Variants in PEAR1 observed in about 807,000 individuals in gnomAD.
PEAR1 encodes the protein multiple EGF-like domains protein 12.
A neutral mutation model predicts 131.2 loss-of-function variants in PEAR1; 113 were observed. The observed-to-expected ratio is 0.86, with a 90% CI of 0.74 to 1.01. The LOEUF is 1.01. Ranked by LOEUF, PEAR1 falls within the 50% of genes least tolerant of loss-of-function variation. The pLI is 0.00. For missense variants in PEAR1, 1,408 were observed against 1,391.1 expected (o/e 1.01, Z -0.19); for synonymous variants, 565 against 523.3 (o/e 1.08, Z -1.09).
In PEAR1 at chr1:156,902,224, T is replaced by TCCCTGGCC. The variant is rs1197242717; in HGVS notation, c.-9-1690_-9-1683dup. 2 of 152,392 alleles carry TCCCTGGCC rather than the reference T, an allele frequency of 1.3e-5. No individual in the cohort carries two copies. The highest frequency in any genetic ancestry group is 2.9e-5 in the Non-Finnish European group (2 of 68,190). 9.4% of individuals were successfully genotyped at this position (152,392 alleles called of 1,614,324 possible). On this transcript the variant is annotated intron_variant, in intron 1 of 22. Transcript: ENST00000292357. This position sits in a 1 kb window ranked among gnomAD's most constrained non-coding sequence, Gnocchi z 4.3. ...TGAACGCTGGGATCCCCCAGGACAT[T>TCCCTGGCC]CCCTGGCCCCCAGGCCCCAGGTCCC...
chr1:156,904,819 C>T lies in PEAR1; in HGVS notation c.173C>T (p.Pro58Leu), dbSNP rs1650053369. 1 of 1,613,798 alleles carries T rather than the reference C, an allele frequency of 6.2e-7. No individual in the cohort carries two copies. The highest frequency in any genetic ancestry group is 1.3e-5 in the African/African-American group (1 of 74,918). ...SLLPSEPCER[P>L]WEGPHTCPQP... is the part of the protein sequence containing the mutation. ...CTCCCCTCAGAGCCCTGCGAGCGGC[C>T]CTGGGAGGGCCCCCATACTTGCCCC... is the stretch of plus-strand genomic sequence containing the variant. The change falls in exon 3 of 23, where the codon CCC becomes CTC. Residue 58 changes from proline to leucine, a missense_variant. Transcript: ENST00000292357.
At position 156,908,406 on chromosome 1, in the gene PEAR1, A is replaced by G; in HGVS notation, c.1115+66A>G. The G allele has an allele frequency of 7.0e-7, 1 of 1,438,616 alleles. No homozygotes were observed. The highest frequency in any genetic ancestry group is 1.4e-5 in the South Asian group (1 of 70,290). 89.1% of individuals were successfully genotyped at this position (1,438,616 alleles called of 1,614,324 possible). ...TGGGGAGGTCTTCCTGGCCGAAGTC[A>G]CCACAGAGCCAGGGCCATATCCAAG... On this transcript the variant is annotated intron_variant, in intron 9 of 22. Transcript: ENST00000292357. This position sits in a 1 kb window ranked among gnomAD's most constrained non-coding sequence, Gnocchi z 4.2.
intron 15 of PEAR1, among the ~76,000 whole-genome samples, chr1:156,911,088 T>TC (rs1651066801): frequency 6.0e-5 from 8 of 133,270 alleles, no homozygotes; most frequent in African/African-American, 2.2e-4. Flanking sequence ...TTTCTTTCTT[T>TC]CTTTCCTTTC....
chr1:156,911,090 TTTC>T (rs1651069046), intron 15 of PEAR1, among the ~76,000 whole-genome samples: 2 of 116,960 alleles, frequency 1.7e-5, no homozygotes, highest in Admixed American at 1.7e-4. Flanking sequence ...TCTTTCTTTC[TTTC>T]CTTTCTTTCT....
At chr1:156,906,907 A>G in intron 6 of PEAR1, 27 bp downstream of exon 6, 1 of 1,606,578 alleles carries the variant, frequency 6.2e-7, no homozygotes, top group Non-Finnish European at 8.5e-7. Flanking sequence ...ACGACACTTT[A>G]ACAAGATCGC....
At position 156,905,346 on chromosome 1, in the gene PEAR1, C is replaced by A. The variant is rs1199224129; in HGVS notation, c.229C>A (p.Arg77Ser). 6.2e-7 allele frequency: 1 copy of A among 1,612,172 alleles called. No homozygotes were observed. Among genetic ancestry groups the A allele is most frequent in the Non-Finnish European group, 8.5e-7 (1 of 1,179,554 alleles). The change falls in exon 4 of 23, where the codon CGT (arginine) becomes AGT (serine). Residue 77 changes from arginine (R) to serine (S), a missense_variant. Physicochemically the swap from Arg to Ser is moderately radical, Grantham distance 110. Transcript: ENST00000292357. ...CAGGGTTGTATACCGGACCGTGTAC[C>A]GTCAGGTGGTGAAGACGGACCACCG... ...QPTVVYRTVY[R>S]QVVKTDHRQR...
chr1:156,896,941 T>C (rs1258499482), intron 1 of PEAR1, among the ~76,000 whole-genome samples: 1 of 152,184 alleles, frequency 6.6e-6, no homozygotes, highest in African/African-American at 2.4e-5. Context: ...CATCATCTCA[T>C]CAAACACGCA....
intron 15 of PEAR1, among the ~76,000 whole-genome samples, chr1:156,911,103 TTTCTTTTCTTTC>T (rs1166672416): frequency 2.4e-5 from 3 of 126,060 alleles, no homozygotes; most frequent in African/African-American, 1.1e-4. Context: ...CCTTTCTTTC[TTTCTTTTCTTTC>T]TTCTTTCTTT....
intron 15 of PEAR1, 127 bp from the exon 16 acceptor site, chr1:156,912,120 T>C (rs535736001): frequency 2.5e-6 from 3 of 1,187,102 alleles, no homozygotes; most frequent in South Asian, 3.4e-5. Flanking sequence ...TTGCAGATAC[T>C]GTTCAAAGCT....
Position 156,907,942 on chromosome 1 carries a change from G to T in PEAR1, c.793G>T (p.Glu265Ter), listed in dbSNP as rs1307858445. Residue 265 changes from glutamate to a stop codon, truncating the protein, a stop_gained, in exon 8 of 23, where the codon GAG becomes TAG. Transcript: ENST00000292357. LOFTEE classifies it high-confidence loss of function. ...MGTICSLPCP[E>*]GFHGPNCSQE... The stretch of plus-strand genomic sequence containing the variant: ...CACCATCTGCTCCCTGCCCTGCCCA[G>T]AGGGCTTTCACGGACCCAACTGCTC... 1.9e-6 allele frequency: 3 copies of T among 1,589,802 alleles called. No individual in the cohort carries two copies. The highest frequency in any genetic ancestry group is 2.3e-5 in the South Asian group (2 of 88,494).
chr1:156,905,213 G>T (rs1379973927), intron 3 of PEAR1, 111 bp from the exon 4 acceptor site: 2 of 1,201,310 alleles, frequency 1.7e-6, no homozygotes, highest in African/African-American at 1.5e-5. Context: ...CTTTCTATGC[G>T]CCCTCAGCCC....
Position 156,906,138 on chromosome 1 carries a change from C to G in PEAR1, c.308-138C>G, listed in dbSNP as rs142197821. On this transcript the variant is annotated intron_variant, in intron 4 of 22. Coordinates refer to ENST00000292357, the MANE Select transcript of PEAR1 (RefSeq NM_001080471.3). Reference sequence around the variant, plus strand: ...TCCCCCTGAGTTGCTGCCCCTCAGTCTTTATCTTAGAGGCAGAATTGGGGC... The same window carrying G: ...TCCCCCTGAGTTGCTGCCCCTCAGTGTTTATCTTAGAGGCAGAATTGGGGC... 1.8e-4 allele frequency: 129 copies of G among 703,636 alleles called. No individual in the cohort carries two copies. In the East Asian group the frequency reaches 3.5e-3, roughly 19 times the overall value. The allele number at this position is 703,636 out of a possible 1,614,324, so 43.6% of individuals were successfully genotyped here.
intron 11 of PEAR1, 24 bp from the exon 12 acceptor site, chr1:156,909,727 C>A: frequency 6.3e-7 from 1 of 1,576,948 alleles, no homozygotes; most frequent in Non-Finnish European, 8.6e-7. Context: ...GTCCCCATAC[C>A]TACCTACCAG....
At position 156,907,990 on chromosome 1, in the gene PEAR1, G is replaced by T. The variant is rs145275734; in HGVS notation, c.841G>T (p.Gly281Cys). The change falls in exon 8 of 23, where the codon GGC becomes TGC. Residue 281 changes from glycine (G) to cysteine (C), a missense_variant. Coordinates refer to ENST00000292357, the MANE Select transcript of PEAR1 (RefSeq NM_001080471.3). Reference sequence around the variant, plus strand: ...CTCCCAGGAATGTCGCTGCCACAACGGCGGCCTCTGTGACCGATTCACTGG... The same window carrying T: ...CTCCCAGGAATGTCGCTGCCACAACTGCGGCCTCTGTGACCGATTCACTGG... ...NCSQECRCHN[G>C]GLCDRFTGQC... 9.4e-4 allele frequency: 1,483 copies of T among 1,574,882 alleles called. 14 individuals carry two copies. In the African/African-American group the frequency reaches 0.018, roughly 19 times the overall value.
Position 156,908,612 on chromosome 1 carries a change from C to T in PEAR1, c.1116-43C>T. 6.8e-7 allele frequency: 1 copy of T among 1,474,846 alleles called. No individual in the cohort carries two copies. Among genetic ancestry groups the T allele is most frequent in the African/African-American group, 1.4e-5 (1 of 71,798 alleles). 91.4% of individuals were successfully genotyped at this position (1,474,846 alleles called of 1,614,324 possible). A position where few individuals can be genotyped will look rare whatever the true frequency, so the allele number is the denominator to read the frequency against. On this transcript the variant is annotated intron_variant, in intron 9 of 22. Transcript: ENST00000292357. This position sits in a 1 kb window ranked among gnomAD's most constrained non-coding sequence, Gnocchi z 4.2. ...GAGGGGTCGGGAAGCTGCCCTGCCC[C>T]TGCCCAGCTCAGACCGCGCCACGCC...
rs1558147641 is a variant in PEAR1 at position 156,912,803 on chromosome 1, C to G, written c.2243C>G (p.Thr748Ser). 6.2e-6 allele frequency: 10 copies of G among 1,614,254 alleles called. No individual in the cohort carries two copies. The Middle Eastern group carries it at 8.2e-4, about 133-fold the overall frequency. ...IQEPFTVMPT[T>S]PVAYNSLGAV... ...GAGCCCTTTACTGTGATGCCGACCA[C>G]TCCAGTAGCGTATAACTCGCTGGGT... The change falls in exon 18 of 23, where the codon ACT (threonine) becomes AGT (serine). Residue 748 changes from threonine (T) to serine (S), a missense_variant. Coordinates refer to ENST00000292357, the MANE Select transcript of PEAR1 (RefSeq NM_001080471.3).
intron 3 of PEAR1, 49 bp downstream of exon 3, chr1:156,904,901 C>T (rs766797521): frequency 7.4e-6 from 12 of 1,611,530 alleles, no homozygotes; most frequent in Non-Finnish European, 9.3e-6. Context: ...TGAGTCGCTG[C>T]CTCAGCCTGG....
chr1:156,907,254 C>A (rs1202690539), intron 6 of PEAR1, among the ~76,000 whole-genome samples: 1 of 152,108 alleles, frequency 6.6e-6, no homozygotes, highest in East Asian at 1.9e-4. Flanking sequence ...AGAAGGTAGA[C>A]CTAGGTGGAA....
At position 156,910,722 on chromosome 1, in the gene PEAR1, A is replaced by T. The variant is rs1650970773; in HGVS notation, c.1930A>T (p.Thr644Ser). 2.5e-6 allele frequency: 4 copies of T among 1,614,064 alleles called. No individual in the cohort carries two copies. The highest frequency in any genetic ancestry group is 3.4e-6 in the Non-Finnish European group (4 of 1,180,016). Residue 644 changes from threonine (T) to serine (S), a missense_variant, in exon 15 of 23, where the codon ACA becomes TCA. By Grantham distance (58) the Thr-to-Ser change is moderately conservative (BLOSUM62 1). Coordinates refer to ENST00000292357, the MANE Select transcript of PEAR1 (RefSeq NM_001080471.3). ...NGTCYCLAGW[T>S]GPDCSQPCPP... ...GACCTGCTACTGCCTGGCTGGCTGG[A>T]CAGGCCCCGACTGCTCCCAGCGTAT... is the stretch of plus-strand genomic sequence containing the variant.
Sources: gnomAD v4.1 joint callset for allele counts (sites outside exome capture counted in the v4.1 genomes callset) on GRCh38, gnomAD v4.1.1 for gene constraint, Gnocchi (gnomAD v3.1) non-coding constraint, MANE v1.5 for transcripts, NCBI Gene and HGNC (gene_info 2026-07-23, HGNC 2026-07-21) for gene names.